MAP4K5: variants seen among roughly 807,000 people sequenced by gnomAD.
MAP4K5 encodes the protein mitogen-activated protein kinase kinase kinase kinase 5.
Under a neutral mutation model 135.6 loss-of-function variants are expected in MAP4K5, and 82 were observed. The observed-to-expected ratio is 0.60, with a 90% CI of 0.51 to 0.73. The LOEUF (loss-of-function observed/expected upper bound fraction) is 0.73, where lower values mean the gene tolerates loss of function less well. Among genes scored for constraint, MAP4K5 ranks in the 30% least tolerant of loss-of-function variants. MAP4K5 has a pLI of 0.00. For synonymous variants in MAP4K5, 347 were observed against 335.0 expected, an observed-to-expected ratio of 1.04 and a Z score of -0.39; for missense variants, 907 against 1,010.9, an observed-to-expected ratio of 0.90 and a Z score of 1.39.
intron 9 of MAP4K5, among the ~76,000 whole-genome samples, chr14:50,471,514 C>G (rs967490953): frequency 7.2e-5 from 11 of 151,954 alleles, no homozygotes; most frequent in Admixed American, 4.6e-4. Flanking sequence ...CAGAAGAAAT[C>G]TGGTAAATCC....
In MAP4K5 at chr14:50,437,920, G is replaced by C; in HGVS notation, c.1797C>G (p.His599Gln). 1 of 1,610,016 alleles carries C rather than the reference G, an allele frequency of 6.2e-7. No individual in the cohort carries two copies. The highest frequency in any genetic ancestry group is 8.5e-7 in the Non-Finnish European group (1 of 1,176,604). ...KPGLAAHIQT[H>Q]RFPDRILPRK... Reference sequence around the variant, plus strand: ...TTGGTAGTATTCGGTCTGGAAACCTGTGAGTTTGAATATGGGCAGCTAATC... The same window carrying C: ...TTGGTAGTATTCGGTCTGGAAACCTCTGAGTTTGAATATGGGCAGCTAATC... The change falls in exon 25 of 33, where the codon CAC (histidine) becomes CAG (glutamine). Residue 599 changes from histidine (H) to glutamine (Q), a missense_variant. This residue lies in a region of MAP4K5 where 690 missense variants were observed against 777.4 expected (regional missense o/e 0.89). Transcript: ENST00000682126.
chr14:50,470,544 T>A (rs770843459), intron 9 of MAP4K5, among the ~76,000 whole-genome samples: 17 of 152,040 alleles, frequency 1.1e-4, no homozygotes, highest in Non-Finnish European at 2.4e-4. Context: ...TTAAAGTGAT[T>A]TGTGTTGACT....
chr14:50,508,027 T>C (rs1877627662), intron 2 of MAP4K5, among the ~76,000 whole-genome samples: 1 of 152,156 alleles, frequency 6.6e-6, no homozygotes, highest in South Asian at 2.1e-4. Flanking sequence ...TGAATCTGGG[T>C]GTTCTGTATT....
At chr14:50,540,233 C>G (rs1199788659) in intron 2 of MAP4K5, among the ~76,000 whole-genome samples, 1 of 152,168 alleles carries the variant, frequency 6.6e-6, no homozygotes, top group East Asian at 1.9e-4. Flanking sequence ...ATAGGTGGTG[C>G]TATCCTATTA....
chr14:50,490,232 A>G (rs2037456120), intron 3 of MAP4K5, among the ~76,000 whole-genome samples: 1 of 151,930 alleles, frequency 6.6e-6, no homozygotes, highest in East Asian at 1.9e-4. Context: ...GGAAATATGT[A>G]GAGCCAAAAG....
At chr14:50,430,000 C>CT (rs930309130) in intron 28 of MAP4K5, among the ~76,000 whole-genome samples, 68 of 147,564 alleles carry the variant, frequency 4.6e-4, no homozygotes, top group East Asian at 1.4e-3. Context: ...TAGAGCAGTC[C>CT]TTTTTTTTTT....
intron 17 of MAP4K5, among the ~76,000 whole-genome samples, chr14:50,445,485 A>C (rs191714996): frequency 2.6e-4 from 39 of 152,364 alleles, no homozygotes; most frequent in Middle Eastern, 3.4e-3. Flanking sequence ...AATTGTAGTC[A>C]TAAGAATGAT....
chr14:50,556,271 C>A (rs929756331), intron 1 of MAP4K5, among the ~76,000 whole-genome samples: 7 of 152,130 alleles, frequency 4.6e-5, no homozygotes, highest in African/African-American at 7.2e-5. Flanking sequence ...GCTCTGTCAT[C>A]CAGGCTGAAG....
chr14:50,466,706 G>T (rs960818441), intron 10 of MAP4K5, 61 bp from the exon 11 acceptor site: 2 of 756,602 alleles, frequency 2.6e-6, no homozygotes, highest in South Asian at 1.6e-5. Context: ...CAATTAGAAA[G>T]AATATTCTGT....
At chr14:50,494,860 T>G (rs985683191) in intron 3 of MAP4K5, among the ~76,000 whole-genome samples, 2 of 152,194 alleles carry the variant, frequency 1.3e-5, no homozygotes, top group African/African-American at 4.8e-5. Context: ...ACAAATGGTT[T>G]GGGGAAACTG....
chr14:50,505,359 C>T (rs1171870083), intron 2 of MAP4K5, among the ~76,000 whole-genome samples: 1 of 152,072 alleles, frequency 6.6e-6, no homozygotes, highest in African/African-American at 2.4e-5. Context: ...ATTACAAATG[C>T]TGCCTGATTT....
At position 50,487,328 on chromosome 14, in the gene MAP4K5, C is replaced by A. The variant is rs527968884; in HGVS notation, c.167-1134G>T. On this transcript the variant is annotated intron_variant, in intron 3 of 32. Coordinates refer to ENST00000682126, the MANE Select transcript of MAP4K5 (RefSeq NM_006575.6). ...CCTCAAAAACAAAACAAAACAAAAA[C>A]CCATACATACATTTAGTTTAACTAT... 6.6e-5 allele frequency among the ~76,000 whole-genome samples: 10 copies of A among 151,718 alleles called. No homozygotes were observed. In the South Asian group the frequency reaches 2.1e-3, roughly 32 times the overall value.
At chr14:50,468,827 A>G in intron 9 of MAP4K5, 45 bp from the exon 10 acceptor site, 1 of 1,546,906 alleles carries the variant, frequency 6.5e-7, no homozygotes, top group Non-Finnish European at 8.8e-7. Context: ...TTAAATATTG[A>G]TCTGAATCTG....
chr14:50,493,567 T>TA (rs900910911), intron 3 of MAP4K5, among the ~76,000 whole-genome samples: 1 of 152,072 alleles, frequency 6.6e-6, no homozygotes, highest in African/African-American at 2.4e-5. Flanking sequence ...TAAAGTCCAT[T>TA]AAAAAAATCT....
intron 3 of MAP4K5, among the ~76,000 whole-genome samples, chr14:50,489,155 C>G (rs1234020914): frequency 6.6e-6 from 1 of 152,148 alleles, no homozygotes; most frequent in Non-Finnish European, 1.5e-5. Context: ...CCCTGTTGCT[C>G]ACCAGCCTGG....
intron 3 of MAP4K5, among the ~76,000 whole-genome samples, chr14:50,487,922 C>T (rs549016317): frequency 3.5e-4 from 54 of 152,188 alleles, no homozygotes; most frequent in Admixed American, 1.4e-3. Flanking sequence ...TAAATTCTAG[C>T]CCATCTTTCA....
intron 1 of MAP4K5, 121 bp downstream of exon 1, chr14:50,532,327 C>A: frequency 2.8e-6 from 1 of 359,864 alleles, no homozygotes; most frequent in Non-Finnish European, 5.0e-6. Context: ...TGCGGCCCTT[C>A]CCCCTCCCCG....
intron 1 of MAP4K5, chr14:50,560,180 A>C: frequency 6.5e-7 from 1 of 1,538,598 alleles, no homozygotes; most frequent in Non-Finnish European, 8.9e-7. Context: ...GCGGGCACGG[A>C]GCCTCCCACC....
At chr14:50,455,001 C>T (rs540429189) in intron 14 of MAP4K5, among the ~76,000 whole-genome samples, 2 of 151,982 alleles carry the variant, frequency 1.3e-5, no homozygotes, top group African/African-American at 4.8e-5. Context: ...CAAAAACAGA[C>T]ATGCAACAGA....
Sources: allele counts gnomAD v4.1 joint callset (sites outside exome capture counted in the v4.1 genomes callset), GRCh38; gene constraint gnomAD v4.1.1; regional missense constraint gnomAD v4.1.1; transcripts MANE v1.5; gene names NCBI Gene and HGNC (gene_info 2026-07-23, HGNC 2026-07-21).